Variants in SLC22A4 observed in about 807,000 individuals in gnomAD.
The protein encoded by SLC22A4 is ET transporter.
In SLC22A4, 39 loss-of-function variants were observed where a neutral mutation model predicts 56.6. That is an observed-to-expected ratio of 0.69 (90% CI 0.53 to 0.90). The LOEUF (loss-of-function observed/expected upper bound fraction) is 0.90. Ranked by LOEUF, SLC22A4 falls within the 40% of genes least tolerant of loss-of-function variation. The pLI is 0.00. For missense variants in SLC22A4, 594 were observed against 696.5 expected, an observed-to-expected ratio of 0.85 and a Z score of 1.66; for synonymous variants, 241 against 281.4, an observed-to-expected ratio of 0.86 and a Z score of 1.44.
intron 3 of SLC22A4, chr5:132,321,024 G>A (rs1229394754): frequency 6.6e-6 from 1 of 152,196 alleles, no homozygotes; most frequent in African/African-American, 2.4e-5. Context: ...CTCCCATCTG[G>A]TGCCATCTCT....
Position 132,332,730 on chromosome 5 carries a change from G to GCACACACACACACACA in SLC22A4, c.1046+902_1046+917dup, listed in dbSNP as rs3840351. The stretch of plus-strand genomic sequence containing the variant: ...AGAAAATTCCTACTCTATGATGGCA[G>GCACACACACACACACA]CACACACACACACACACACACACAC... On this transcript the variant is annotated intron_variant, in intron 6 of 9. Coordinates refer to ENST00000200652, the MANE Select transcript of SLC22A4 (RefSeq NM_003059.3). Among the ~76,000 whole-genome samples, 225 of 145,722 alleles carry GCACACACACACACACA rather than the reference G, an allele frequency of 1.5e-3. 1 individual carries two copies. The highest frequency in any genetic ancestry group is 1.7e-3 in the African/African-American group (67 of 39,596).
At chr5:132,328,838 TAC>T (rs200357854) in intron 5 of SLC22A4, among the ~76,000 whole-genome samples, 3,676 of 138,568 alleles carry the variant, frequency 0.027, 53 homozygotes, top group Non-Finnish European at 0.037. Flanking sequence ...TATATATATA[TAC>T]ACACACACAC....
chr5:132,325,218 G>T (rs1277778210), intron 4 of SLC22A4, among the ~76,000 whole-genome samples: 1 of 152,184 alleles, frequency 6.6e-6, no homozygotes, highest in Non-Finnish European at 1.5e-5. Context: ...CATCCATGAG[G>T]TATATCGTGG....
chr5:132,343,004 A>G (rs967154831), intron 9 of SLC22A4, among the ~76,000 whole-genome samples: 1 of 152,202 alleles, frequency 6.6e-6, no homozygotes, highest in Non-Finnish European at 1.5e-5. Context: ...TCTGGTGACC[A>G]GCCCCCACCC....
At chr5:132,341,751 C>T (rs988929400) in intron 9 of SLC22A4, among the ~76,000 whole-genome samples, 11 of 151,948 alleles carry the variant, frequency 7.2e-5, no homozygotes, top group Non-Finnish European at 1.2e-4. Context: ...AGTTCGAGAA[C>T]AGTCTGTCCA....
Position 132,324,902 on chromosome 5 carries a change from C to T in SLC22A4, c.825-2375C>T, listed in dbSNP as rs991558198. On this transcript the variant is annotated intron_variant, in intron 4 of 9. Transcript: ENST00000200652. Reference sequence around the variant, plus strand: ...TCAAAGCAATTCAAAACTAGAGATACCAGTGGCCCTGAGTACAGTGGGCTA... The same window carrying T: ...TCAAAGCAATTCAAAACTAGAGATATCAGTGGCCCTGAGTACAGTGGGCTA... 3.3e-5 allele frequency among the ~76,000 whole-genome samples: 5 copies of T among 152,162 alleles called. No homozygotes were observed. In the South Asian group the frequency reaches 1.0e-3, roughly 32 times the overall value.
chr5:132,332,200 G>A, intron 6 of SLC22A4: 1 of 311,722 alleles, frequency 3.2e-6, no homozygotes, highest in Non-Finnish European at 6.3e-6. Context: ...TGTAATCCCA[G>A]CTACTTGGGA....
chr5:132,341,942 G>A (rs185551680), intron 9 of SLC22A4, among the ~76,000 whole-genome samples: 200 of 150,264 alleles, frequency 1.3e-3, no homozygotes, highest in Non-Finnish European at 2.3e-3. Context: ...GCGAGACTCC[G>A]TCTCCAAAAA....
chr5:132,296,003 G>A (rs1270468474), intron 1 of SLC22A4, among the ~76,000 whole-genome samples: 1 of 152,208 alleles, frequency 6.6e-6, no homozygotes, highest in African/African-American at 2.4e-5. Flanking sequence ...ACCCTCAGAT[G>A]CCCATGGGGC....
In SLC22A4 at chr5:132,295,013, G is replaced by T; in HGVS notation, c.393+4G>T. Reference sequence around the variant, plus strand: ...CCTGTCCACCGTCGTGACCGAGGTGGGTGCCAGGCCGAGACCGTTGACCCG... The same window carrying T: ...CCTGTCCACCGTCGTGACCGAGGTGTGTGCCAGGCCGAGACCGTTGACCCG... On this transcript the variant is annotated splice_donor_region_variant and intron_variant, in intron 1 of 9. Transcript: ENST00000200652. 6.2e-7 allele frequency: 1 copy of T among 1,603,692 alleles called. No homozygotes were observed. Among genetic ancestry groups the T allele is most frequent in the Non-Finnish European group, 8.5e-7 (1 of 1,175,796 alleles).
At position 132,340,589 on chromosome 5, in the gene SLC22A4, A is replaced by G; in HGVS notation, c.1469A>G (p.Tyr490Cys). 1.2e-6 allele frequency: 2 copies of G among 1,614,076 alleles called. No individual in the cohort carries two copies. Among genetic ancestry groups the G allele is most frequent in the South Asian group, 2.2e-5 (2 of 91,084 alleles). The change falls in exon 9 of 10, where the codon TAC becomes TGC. Residue 490 changes from tyrosine to cysteine, a missense_variant. Transcript: ENST00000200652. ...GGTGCTTACAACAGAATGCTGCCCT[A>G]CATCGTCATGGGTAGTCTGACTGTC... The part of the protein sequence containing the change: ...YLGAYNRMLP[Y>C]IVMGSLTVLI...
At chr5:132,342,420 G>A (rs752169582) in intron 9 of SLC22A4, among the ~76,000 whole-genome samples, 5 of 151,856 alleles carry the variant, frequency 3.3e-5, no homozygotes, top group Non-Finnish European at 5.9e-5. Context: ...TCTTTTTTTG[G>A]CTTATGAGAT....
intron 1 of SLC22A4, among the ~76,000 whole-genome samples, chr5:132,299,025 G>T (rs1360766341): frequency 6.6e-6 from 1 of 152,210 alleles, no homozygotes; most frequent in Non-Finnish European, 1.5e-5. Flanking sequence ...CCCTGAGAAG[G>T]TTCTCTGCAT....
intron 1 of SLC22A4, among the ~76,000 whole-genome samples, chr5:132,304,271 G>A (rs1749972036): frequency 6.6e-6 from 1 of 152,218 alleles, no homozygotes; most frequent in African/African-American, 2.4e-5. Flanking sequence ...CAACTGGCTA[G>A]CAATTAGTGA....
intron 1 of SLC22A4, among the ~76,000 whole-genome samples, chr5:132,299,867 A>G (rs1206387214): frequency 2.0e-5 from 3 of 152,238 alleles, no homozygotes; most frequent in African/African-American, 7.2e-5. Context: ...AACAATTTAA[A>G]TACGCGTTAT....
At chr5:132,329,487 C>A (rs1323652309) in intron 5 of SLC22A4, among the ~76,000 whole-genome samples, 1 of 140,516 alleles carries the variant, frequency 7.1e-6, no homozygotes, top group African/African-American at 2.7e-5. Context: ...TTTTTTTTTT[C>A]AAAAAAAGAA....
chr5:132,319,301 CAAAAA>C (rs55756450), intron 3 of SLC22A4, among the ~76,000 whole-genome samples: 3 of 85,524 alleles, frequency 3.5e-5, no homozygotes, highest in African/African-American at 1.1e-4. Context: ...AAGTCTGTCT[CAAAAA>C]AAAAAAAAAA....
chr5:132,306,712 C>T (rs1406467046), intron 1 of SLC22A4, among the ~76,000 whole-genome samples: 2 of 151,936 alleles, frequency 1.3e-5, no homozygotes, highest in African/African-American at 4.8e-5. Context: ...TCCCAAAGTG[C>T]TGGGATTACA....
At chr5:132,337,413 C>T (rs35497612) in intron 8 of SLC22A4, among the ~76,000 whole-genome samples, 10,982 of 151,276 alleles carry the variant, frequency 0.073, 529 homozygotes, top group East Asian at 0.27. Flanking sequence ...GCTGGAACTA[C>T]AGGCATGCAC....
Sources: allele counts gnomAD v4.1 joint callset (sites outside exome capture counted in the v4.1 genomes callset), GRCh38; gene constraint gnomAD v4.1.1; transcripts MANE v1.5; gene names NCBI Gene and HGNC (gene_info 2026-07-23, HGNC 2026-07-21).